Variants in LTBP1 observed in about 807,000 individuals in gnomAD.
The protein encoded by LTBP1 is latent-transforming growth factor beta-binding protein 1.
In LTBP1, 129 loss-of-function variants were observed where a neutral mutation model predicts 207.6. The ratio of observed to expected loss-of-function variants is 0.62; its 90% confidence interval spans 0.54 to 0.72. The LOEUF (loss-of-function observed/expected upper bound fraction) is 0.72, where lower values mean the gene tolerates loss of function less well. LTBP1 is among the 30% of genes least tolerant of loss of function. The probability of loss-of-function intolerance (pLI) is 0.00; values close to 1 mark genes in which losing one functional copy is unlikely to be tolerated. For missense variants in LTBP1, 2,281 were observed against 2,217.2 expected (o/e 1.03, Z -0.58); for synonymous variants, 963 against 833.7 (o/e 1.16, Z -2.67).
chr2:33,013,419 T>C (rs992399721), intron 2 of LTBP1, among the ~76,000 whole-genome samples: 3 of 152,110 alleles, frequency 2.0e-5, no homozygotes, highest in African/African-American at 7.2e-5. Context: ...GGTCTTCCTT[T>C]GTTAAAGGCA....
intron 5 of LTBP1, among the ~76,000 whole-genome samples, chr2:33,158,148 CAAA>C (rs59789805): frequency 7.9e-5 from 9 of 113,926 alleles, no homozygotes; most frequent in South Asian, 6.0e-4. Context: ...AAAAAAAAAA[CAAA>C]AAAAAAAAAA....
At chr2:33,179,121 G>A (rs974817135) in intron 5 of LTBP1, among the ~76,000 whole-genome samples, 2 of 152,164 alleles carry the variant, frequency 1.3e-5, no homozygotes, top group African/African-American at 4.8e-5. Context: ...CCCATGGGGT[G>A]CATGTGGCTC....
intron 2 of LTBP1, among the ~76,000 whole-genome samples, chr2:32,959,586 T>C (rs1279124111): frequency 7.4e-6 from 1 of 134,900 alleles, no homozygotes; most frequent in Non-Finnish European, 1.6e-5. Context: ...TATATGTATA[T>C]ATATGTACGT....
intron 2 of LTBP1, among the ~76,000 whole-genome samples, chr2:32,969,435 C>T (rs1206436617): frequency 6.6e-6 from 1 of 152,016 alleles, no homozygotes; most frequent in Non-Finnish European, 1.5e-5. Flanking sequence ...TTCCTATCTC[C>T]ACCCTCACGT....
chr2:33,252,870 A>T, intron 11 of LTBP1, 26 bp downstream of exon 11: 2 of 1,557,448 alleles, frequency 1.3e-6, no homozygotes, highest in Non-Finnish European at 1.7e-6. Flanking sequence ...CTGTATGCGC[A>T]CATAGATTCC....
chr2:33,273,814 A>G lies in LTBP1; in HGVS notation c.2743+33A>G, dbSNP rs367593920. On this transcript the variant is annotated intron_variant, in intron 16 of 33. Coordinates refer to ENST00000404816, the MANE Select transcript of LTBP1 (RefSeq NM_206943.4). ...ACAATTTGATTGACTAAATTATTAA[A>G]TATCAAACATTTGAACATTAAGAAC... 3.2e-6 allele frequency: 5 copies of G among 1,557,998 alleles called. No individual in the cohort carries two copies. In the African/African-American group the frequency reaches 5.5e-5, roughly 17 times the overall value.
chr2:33,192,428 A>G (rs1453555343), intron 7 of LTBP1, among the ~76,000 whole-genome samples: 1 of 152,140 alleles, frequency 6.6e-6, no homozygotes, highest in African/African-American at 2.4e-5. Flanking sequence ...GTTTACAGGG[A>G]ATACCAAGGG....
chr2:33,378,185 A>ATGTGTGTGTG (rs57388002), intron 31 of LTBP1, among the ~76,000 whole-genome samples: 16 of 132,038 alleles, frequency 1.2e-4, no homozygotes, highest in East Asian at 2.5e-4. Flanking sequence ...ATATATATAT[A>ATGTGTGTGTG]TGTGTGTGTG....
intron 7 of LTBP1, among the ~76,000 whole-genome samples, chr2:33,208,473 T>A (rs537581133): frequency 2.6e-5 from 4 of 152,330 alleles, no homozygotes; most frequent in South Asian, 4.1e-4. Flanking sequence ...AGGAAAGGGC[T>A]GGCATGACGT....
chr2:33,252,638 G>A (rs2092715300), intron 10 of LTBP1, 39 bp from the exon 11 acceptor site: 1 of 1,556,130 alleles, frequency 6.4e-7, no homozygotes, highest in African/African-American at 1.4e-5. Context: ...TGTAGTTTTG[G>A]TTTCTCATGT....
chr2:33,237,584 T>C (rs2092109121), intron 9 of LTBP1, among the ~76,000 whole-genome samples: 1 of 152,264 alleles, frequency 6.6e-6, no homozygotes, highest in Admixed American at 6.5e-5. Flanking sequence ...ATCAAAACTT[T>C]GGAGCTGCAG....
chr2:33,039,335 G>A (rs1040415498), intron 3 of LTBP1, among the ~76,000 whole-genome samples: 2 of 151,304 alleles, frequency 1.3e-5, no homozygotes, highest in African/African-American at 4.8e-5. Context: ...TTGTTCTTTC[G>A]GAGAGAGAAA....
At chr2:33,303,890 A>C (rs2094039999) in intron 22 of LTBP1, among the ~76,000 whole-genome samples, 1 of 152,180 alleles carries the variant, frequency 6.6e-6, no homozygotes, top group Non-Finnish European at 1.5e-5. Flanking sequence ...TAGGGCACTA[A>C]AAATGTAAAC....
At position 33,366,323 on chromosome 2, in the gene LTBP1, A is replaced by T. The variant is rs1252049663; in HGVS notation, c.4711+820A>T. 3.3e-5 allele frequency among the ~76,000 whole-genome samples: 5 copies of T among 152,232 alleles called. No homozygotes were observed. In the South Asian group the frequency reaches 1.0e-3, roughly 31 times the overall value. On this transcript the variant is annotated intron_variant, in intron 31 of 33. Transcript: ENST00000404816. ...CAAGTAGAAAGCAAAGGAGTTTATT[A>T]TGAATATATTCTCAGAATGGTCGAG...
At chr2:33,085,890 A>G (rs2078725896) in intron 3 of LTBP1, among the ~76,000 whole-genome samples, 1 of 152,148 alleles carries the variant, frequency 6.6e-6, no homozygotes, top group Non-Finnish European at 1.5e-5. Flanking sequence ...ACTCAGTTAT[A>G]ATTACAGGAA....
intron 2 of LTBP1, among the ~76,000 whole-genome samples, chr2:33,018,097 A>T (rs1455758593): frequency 6.6e-6 from 1 of 152,072 alleles, no homozygotes; most frequent in East Asian, 1.9e-4. Flanking sequence ...TAGCTGTAAT[A>T]TTATATAACA....
chr2:33,116,505 T>G (rs2080753681), intron 4 of LTBP1, among the ~76,000 whole-genome samples: 3 of 152,010 alleles, frequency 2.0e-5, no homozygotes, highest in Non-Finnish European at 4.4e-5. Context: ...TGTGCTAACG[T>G]GGGGGAGAAA....
At chr2:33,180,784 A>G (rs1446480672) in intron 5 of LTBP1, among the ~76,000 whole-genome samples, 1 of 152,100 alleles carries the variant, frequency 6.6e-6, no homozygotes, top group Non-Finnish European at 1.5e-5. Flanking sequence ...AAAGTGAGCA[A>G]TGGTTTGCTG....
intron 18 of LTBP1, 74 bp from the exon 19 acceptor site, chr2:33,279,965 G>C (rs2093525180): frequency 6.5e-7 from 1 of 1,534,724 alleles, no homozygotes; most frequent in Non-Finnish European, 8.9e-7. Context: ...TTCCCCCGCT[G>C]CCTTCATCAC....
Sources: allele counts gnomAD v4.1 joint callset (sites outside exome capture counted in the v4.1 genomes callset), GRCh38; gene constraint gnomAD v4.1.1; transcripts MANE v1.5; gene names NCBI Gene and HGNC (gene_info 2026-07-23, HGNC 2026-07-21).